PPTC7: variants seen among roughly 807,000 people sequenced by gnomAD.
PPTC7 encodes the protein protein phosphatase targeting COQ7, also known as protein phosphatase PTC7 homolog.
A neutral mutation model predicts 30.8 loss-of-function variants in PPTC7; 6 were observed. The observed-to-expected ratio is 0.19, with a 90% CI of 0.11 to 0.38. PPTC7 has a LOEUF of 0.38. Ranked by LOEUF, PPTC7 falls within the 10% of genes least tolerant of loss-of-function variation. The probability of loss-of-function intolerance (pLI) is 1.00; values close to 1 mark genes in which losing one functional copy is unlikely to be tolerated. For missense variants in PPTC7, 218 were observed against 404.8 expected (o/e 0.54, Z 3.96); for synonymous variants, 163 against 168.1 (o/e 0.97, Z 0.23).
At chr12:110,578,301 G>C (rs1175862628) in intron 1 of PPTC7, among the ~76,000 whole-genome samples, 1 of 152,172 alleles carries the variant, frequency 6.6e-6, no homozygotes, top group Non-Finnish European at 1.5e-5. Flanking sequence ...ATGCCACGTA[G>C]AGTAATAAGA....
At chr12:110,544,704 G>A (rs2064290843) in intron 3 of PPTC7, among the ~76,000 whole-genome samples, 1 of 152,054 alleles carries the variant, frequency 6.6e-6, no homozygotes, top group Non-Finnish European at 1.5e-5. Flanking sequence ...CATGGTGGCG[G>A]GCACCTGTAA....
intron 1 of PPTC7, among the ~76,000 whole-genome samples, chr12:110,566,640 A>T (rs1482550535): frequency 3.3e-5 from 5 of 152,200 alleles, no homozygotes; most frequent in Non-Finnish European, 7.3e-5. Flanking sequence ...CAAACAGACC[A>T]GCCTAGACTG....
chr12:110,550,442 C>G (rs759902744), intron 2 of PPTC7, among the ~76,000 whole-genome samples: 1 of 151,736 alleles, frequency 6.6e-6, no homozygotes, highest in Admixed American at 6.6e-5. Flanking sequence ...GTGTTAGCCA[C>G]GATGGTCTCA....
intron 1 of PPTC7, among the ~76,000 whole-genome samples, chr12:110,563,122 C>CAAAAAAAAAAAAAAAA (rs766517371): frequency 9.3e-5 from 4 of 43,106 alleles, no homozygotes; most frequent in Non-Finnish European, 1.3e-4. Flanking sequence ...GACTCCATCT[C>CAAAAAAAAAAAAAAAA]AAAAAAAAAA....
Position 110,583,111 on chromosome 12 carries a change from G to T in PPTC7, c.-80C>A. 2 of 1,151,196 alleles carry T rather than the reference G, an allele frequency of 1.7e-6. No individual in the cohort carries two copies. Among genetic ancestry groups the T allele is most frequent in the Non-Finnish European group, 2.2e-6 (2 of 903,036 alleles). 71.3% of individuals were successfully genotyped at this position (1,151,196 alleles called of 1,614,324 possible). A position where few individuals can be genotyped will look rare whatever the true frequency, so the allele number is the denominator to read the frequency against. ...AGGCCCGGAGCCGGCTCTCTCCTCA[G>T]CCGCAGTCGCGCCGCCGCTGGGGCG... On this transcript the variant is annotated 5_prime_UTR_variant, in exon 1 of 6. It adds an upstream start codon to the 5' untranslated region. Coordinates refer to ENST00000354300, the MANE Select transcript of PPTC7 (RefSeq NM_139283.2).
At chr12:110,543,813 G>T (rs565717692) in intron 3 of PPTC7, among the ~76,000 whole-genome samples, 4 of 152,330 alleles carry the variant, frequency 2.6e-5, no homozygotes, top group African/African-American at 9.6e-5. Context: ...ATGCTAGCGA[G>T]CTGTCTCTGG....
chr12:110,545,275 T>G (rs2064297001), intron 3 of PPTC7, among the ~76,000 whole-genome samples: 1 of 152,128 alleles, frequency 6.6e-6, no homozygotes, highest in African/African-American at 2.4e-5. Context: ...GCATTTTTAG[T>G]AGAGATGGGG....
intron 1 of PPTC7, among the ~76,000 whole-genome samples, chr12:110,552,735 G>A (rs1451702310): frequency 6.6e-6 from 1 of 152,090 alleles, no homozygotes; most frequent in Non-Finnish European, 1.5e-5. Context: ...GTGGTGGCAG[G>A]CGCCTGTAGT....
In PPTC7 at chr12:110,551,790, G is replaced by A. The variant is rs369420127; in HGVS notation, c.402C>T (p.Leu134=). 20 of 1,612,236 alleles carry A rather than the reference G, an allele frequency of 1.2e-5. No individual in the cohort carries two copies. The highest frequency in any genetic ancestry group is 5.3e-5 in the African/African-American group (4 of 74,878). The change falls in exon 2 of 6, where the codon CTC becomes CTT. Residue 134 remains leucine, a splice_region_variant and synonymous_variant. Transcript: ENST00000354300. ...AAAACACATAAGATACCCACTTACC[G>A]AGCAAAGGGACTTTATTTTGCAGCA... is the stretch of plus-strand genomic sequence containing the variant. ...CELLQNKVPL[L]GSSTACIVVL...
At chr12:110,541,770 C>G (rs1423533598) in intron 3 of PPTC7, among the ~76,000 whole-genome samples, 1 of 151,524 alleles carries the variant, frequency 6.6e-6, no homozygotes, top group Non-Finnish European at 1.5e-5. Flanking sequence ...AGTAAGGACT[C>G]TGTGTCTCCC....
chr12:110,541,073 C>T (rs1178564758), intron 3 of PPTC7, among the ~76,000 whole-genome samples: 1 of 151,630 alleles, frequency 6.6e-6, no homozygotes, highest in Non-Finnish European at 1.5e-5. Flanking sequence ...CTGCGCCCAG[C>T]CGCCAATCTT....
chr12:110,582,665 C>G, intron 1 of PPTC7, 144 bp downstream of exon 1: 1 of 695,038 alleles, frequency 1.4e-6, no homozygotes, highest in Non-Finnish European at 2.3e-6. Context: ...GCGCTTGGCA[C>G]GGCGCCTGGC....
At chr12:110,542,298 G>A (rs1351136000) in intron 3 of PPTC7, among the ~76,000 whole-genome samples, 4 of 150,588 alleles carry the variant, frequency 2.7e-5, no homozygotes, top group Non-Finnish European at 5.9e-5. Flanking sequence ...AACCATTTCC[G>A]TAAAAAAAAA....
At chr12:110,573,752 C>G (rs536034485) in intron 1 of PPTC7, among the ~76,000 whole-genome samples, 1 of 151,954 alleles carries the variant, frequency 6.6e-6, no homozygotes, top group South Asian at 2.1e-4. Context: ...GAGGCCGAGG[C>G]GGGCAGATTA....
intron 1 of PPTC7, among the ~76,000 whole-genome samples, chr12:110,553,225 G>A (rs1394854694): frequency 2.1e-5 from 3 of 145,792 alleles, no homozygotes; most frequent in East Asian, 2.5e-4. Context: ...TCGGCTCACC[G>A]CAACCTCTCC....
Position 110,583,157 on chromosome 12 carries a change from T to G in PPTC7, c.-126A>C. ...GGGCGCTCCTCAGGGCGGCGCGCAG[T>G]GGCCGCCGCCGCCCCTGCCCGACGC... On this transcript the variant is annotated 5_prime_UTR_variant, in exon 1 of 6. Coordinates refer to ENST00000354300, the MANE Select transcript of PPTC7 (RefSeq NM_139283.2). 5.5e-6 allele frequency: 3 copies of G among 548,124 alleles called. No homozygotes were observed. Among genetic ancestry groups the G allele is most frequent in the Non-Finnish European group, 7.6e-6 (3 of 392,440 alleles). 34.0% of individuals were successfully genotyped at this position (548,124 alleles called of 1,614,324 possible).
chr12:110,578,501 G>C (rs1472898105), intron 1 of PPTC7, among the ~76,000 whole-genome samples: 1 of 152,130 alleles, frequency 6.6e-6, no homozygotes, highest in African/African-American at 2.4e-5. Context: ...ATACAGTGGG[G>C]ACTATACAAA....
chr12:110,569,032 G>GCCCCCCC (rs5800891), intron 1 of PPTC7, among the ~76,000 whole-genome samples: 2 of 119,822 alleles, frequency 1.7e-5, no homozygotes, highest in Non-Finnish European at 1.8e-5. Context: ...CCCTGTCCCC[G>GCCCCCCC]CCCCCCCCCC....
At chr12:110,547,032 T>G (rs2064311734) in intron 2 of PPTC7, among the ~76,000 whole-genome samples, 1 of 152,210 alleles carries the variant, frequency 6.6e-6, no homozygotes, top group African/African-American at 2.4e-5. Context: ...ACAACTTTCC[T>G]GGAGCGCAAG....
Sources: gnomAD v4.1 joint callset for allele counts (sites outside exome capture counted in the v4.1 genomes callset) on GRCh38, gnomAD v4.1.1 for gene constraint, MANE v1.5 for transcripts, NCBI Gene and HGNC (gene_info 2026-07-23, HGNC 2026-07-21) for gene names.